C3orf52: variants seen among roughly 807,000 people sequenced by gnomAD.
C3orf52 encodes the protein TPA-induced transmembrane protein.
Under a neutral mutation model 24.8 loss-of-function variants are expected in C3orf52, and 22 were observed. The ratio of observed to expected loss-of-function variants is 0.89; its 90% CI spans 0.63 to 1.27. The LOEUF (loss-of-function observed/expected upper bound fraction) is 1.27, where lower values mean the gene tolerates loss of function less well. Ranked by LOEUF, C3orf52 falls within the 50% of genes most tolerant of loss-of-function variation. The pLI is 0.00. For missense variants in C3orf52, 265 were observed against 260.7 expected, an observed-to-expected ratio of 1.02 and a Z score of -0.11; for synonymous variants, 93 against 100.2, an observed-to-expected ratio of 0.93 and a Z score of 0.43.
chr3:112,125,814 C>G (rs2074304929), intron 4 of C3orf52, among the ~76,000 whole-genome samples: 1 of 152,140 alleles, frequency 6.6e-6, no homozygotes, highest in Non-Finnish European at 1.5e-5. Context: ...CTAAATATTC[C>G]CATTCCTATA....
chr3:112,122,951 A>G (rs1018615766), downstream of C3orf52: 1 of 163,102 alleles, frequency 6.1e-6, no homozygotes, highest in African/African-American at 2.4e-5. Context: ...AAAGGACACT[A>G]TGTAAAAGAC....
chr3:112,095,872 A>G (rs1668807568), intron 2 of C3orf52, among the ~76,000 whole-genome samples: 1 of 152,078 alleles, frequency 6.6e-6, no homozygotes, highest in South Asian at 2.1e-4. Context: ...GCAGTTCCGT[A>G]GGCATTTTTT....
chr3:112,119,899 G>T (rs1384960953), downstream of C3orf52, among the ~76,000 whole-genome samples: 1 of 152,208 alleles, frequency 6.6e-6, no homozygotes, highest in Non-Finnish European at 1.5e-5. Context: ...TCCACAGCTT[G>T]TTGAGGGCAA....
chr3:112,105,868 G>A (rs2074019151), intron 3 of C3orf52, among the ~76,000 whole-genome samples: 1 of 151,600 alleles, frequency 6.6e-6, no homozygotes, highest in Non-Finnish European at 1.5e-5. Flanking sequence ...ACAAGTCTAG[G>A]TTGTCACTTG....
intron 1 of C3orf52, among the ~76,000 whole-genome samples, chr3:112,087,676 A>T (rs2073842063): frequency 6.6e-6 from 1 of 152,256 alleles, no homozygotes; most frequent in Non-Finnish European, 1.5e-5. Flanking sequence ...TGAATAAAAT[A>T]TGAATGCCAC....
At chr3:112,091,297 T>C (rs1157825310) in intron 1 of C3orf52, among the ~76,000 whole-genome samples, 2 of 152,222 alleles carry the variant, frequency 1.3e-5, no homozygotes, top group African/African-American at 4.8e-5. Flanking sequence ...AGAGCACCCC[T>C]CCTCTATGTG....
chr3:112,095,565 G>C (rs1227670081), intron 2 of C3orf52, among the ~76,000 whole-genome samples: 2 of 152,180 alleles, frequency 1.3e-5, no homozygotes, highest in Non-Finnish European at 2.9e-5. Context: ...AGTTTTTCTG[G>C]AGATGTAAAA....
At chr3:112,126,615 G>A (rs2074326184) in intron 4 of C3orf52, among the ~76,000 whole-genome samples, 2 of 152,172 alleles carry the variant, frequency 1.3e-5, no homozygotes, top group South Asian at 4.1e-4. Context: ...ATCTCCTGCA[G>A]CTGTCAGGAC....
downstream of C3orf52, among the ~76,000 whole-genome samples, chr3:112,119,236 G>A (rs1013311860): frequency 6.6e-6 from 1 of 152,120 alleles, no homozygotes; most frequent in South Asian, 2.1e-4. Flanking sequence ...TTAGCCAGGC[G>A]TGGTGGCAGG....
At chr3:112,124,903 G>T (rs933968087) in intron 4 of C3orf52, among the ~76,000 whole-genome samples, 4 of 152,176 alleles carry the variant, frequency 2.6e-5, no homozygotes, top group African/African-American at 9.7e-5. Context: ...AAAATCGGGG[G>T]ATGGGATGGA....
Position 112,127,151 on chromosome 3 carries a change from C to T in C3orf52, c.*47-1082C>T, listed in dbSNP as rs2074343053. On this transcript the variant is annotated intron_variant, in intron 4 of 4. Transcript: ENST00000480282. ...TAAAGTTATATACCTTTTATAATAC[C>T]TCCTTCAGCATAGATGAGTTAAGTA... 2.7e-5 allele frequency: 17 copies of T among 627,992 alleles called. 1 individual carries two copies. The South Asian group carries it at 3.2e-4, about 12-fold the overall frequency. 38.9% of individuals were successfully genotyped at this position (627,992 alleles called of 1,614,324 possible).
intron 4 of C3orf52, 29 bp downstream of exon 4, chr3:112,109,642 C>G (rs1451520689): frequency 7.0e-7 from 1 of 1,432,766 alleles, no homozygotes; most frequent in African/African-American, 1.4e-5. Context: ...ACATTTTGCT[C>G]TCTTTCTCTG....
rs764787339 is a variant in C3orf52, at chr3:112,086,441, G to T, written c.34G>T (p.Glu12Ter). 9.7e-6 allele frequency: 15 copies of T among 1,551,022 alleles called. No homozygotes were observed. The Middle Eastern group carries it at 8.3e-4, about 86-fold the overall frequency. The change falls in exon 1 of 6, where the codon GAG becomes TAG. Residue 12 changes from glutamate (E) to a stop codon, truncating the protein, a stop_gained. Transcript: ENST00000264848. LOFTEE classifies it high-confidence loss of function. ...DLAQPSQPVD[E>*]LELSVLERQP... ...GGCCCAACCCTCACAGCCAGTAGAC[G>T]AGCTGGAGCTCTCGGTGCTCGAGCG...
intron 4 of C3orf52, chr3:112,111,560 T>C (rs2074083262): frequency 6.6e-6 from 1 of 152,240 alleles, no homozygotes; most frequent in Admixed American, 6.5e-5. Context: ...TGACCTGCCA[T>C]GGGGGATTAG....
At chr3:112,125,360 G>T in intron 4 of C3orf52, 1 of 776,192 alleles carries the variant, frequency 1.3e-6, no homozygotes, top group East Asian at 2.5e-5. Context: ...GAAACAGCTG[G>T]GGTAGCTCTT....
Position 112,112,988 on chromosome 3 carries a change from T to A in C3orf52, c.492T>A (p.Tyr164Ter), listed in dbSNP as rs545208237. Residue 164 changes from tyrosine to a stop codon, truncating the protein, a stop_gained, in exon 5 of 6, where the codon TAT becomes TAA. Coordinates refer to ENST00000264848, the MANE Select transcript of C3orf52 (RefSeq NM_024616.3). LOFTEE classifies it high-confidence loss of function. ...DFSGENATVT[Y>*]DLQFGVPSDD... ...GTGGTGAAAATGCCACAGTAACGTA[T>A]GACCTGCAATTTGGGGTTCCATCAG... 6.2e-7 allele frequency: 1 copy of A among 1,608,154 alleles called. No homozygotes were observed. Among genetic ancestry groups the A allele is most frequent in the Admixed American group, 1.7e-5 (1 of 59,256 alleles).
intron 3 of C3orf52, among the ~76,000 whole-genome samples, chr3:112,104,730 G>T (rs1365406633): frequency 1.3e-5 from 2 of 152,026 alleles, no homozygotes; most frequent in South Asian, 2.1e-4. Context: ...AGATTTTGGT[G>T]CACCCATTAC....
downstream of C3orf52, chr3:112,123,110 G>A (rs2074230930): frequency 7.4e-6 from 2 of 270,716 alleles, no homozygotes; most frequent in Admixed American, 4.9e-5. Flanking sequence ...ATGATCATGG[G>A]AACACTTTAT....
chr3:112,088,502 A>C (rs1156496539), intron 1 of C3orf52, among the ~76,000 whole-genome samples: 1 of 151,854 alleles, frequency 6.6e-6, no homozygotes, highest in Non-Finnish European at 1.5e-5. Flanking sequence ...CTTAAGAGGA[A>C]GGCGTCAGTA....
Sources: gnomAD v4.1 joint callset for allele counts (sites outside exome capture counted in the v4.1 genomes callset) on GRCh38, gnomAD v4.1.1 for gene constraint, MANE v1.5 for transcripts, NCBI Gene and HGNC (gene_info 2026-07-23, HGNC 2026-07-21) for gene names.